The following GALNTL6 variants were observed in gnomAD, a reference collection of about 807,000 sequenced individuals.
GALNTL6 encodes polypeptide N-acetylgalactosaminyltransferase-like 6.
Under a neutral mutation model 73.7 loss-of-function variants are expected in GALNTL6, and 46 were observed. That is an observed-to-expected ratio of 0.62 (90% CI 0.49 to 0.80). The LOEUF (loss-of-function observed/expected upper bound fraction) is 0.80, where lower values mean the gene tolerates loss of function less well. Among genes scored for constraint, GALNTL6 ranks in the 30% least tolerant of loss-of-function variants. The probability of loss-of-function intolerance (pLI) is 0.00; values close to 1 mark genes in which losing one functional copy is unlikely to be tolerated. For missense variants in GALNTL6, 604 were observed against 755.0 expected, an observed-to-expected ratio of 0.80 and a Z score of 2.34; for synonymous variants, 259 against 263.7, an observed-to-expected ratio of 0.98 and a Z score of 0.17.
intron 5 of GALNTL6, among the ~76,000 whole-genome samples, chr4:172,635,889 C>G (rs1347777473): frequency 6.6e-6 from 1 of 152,112 alleles, no homozygotes; most frequent in Non-Finnish European, 1.5e-5. Context: ...TCCACTAAAC[C>G]ATATGATAAT....
chr4:172,483,074 G>T (rs1311017029), intron 5 of GALNTL6, among the ~76,000 whole-genome samples: 2 of 152,058 alleles, frequency 1.3e-5, no homozygotes, highest in Non-Finnish European at 2.9e-5. Context: ...ATATGTGTTT[G>T]TGTGTATAAT....
chr4:172,260,433 C>T (rs1468762322), intron 3 of GALNTL6, among the ~76,000 whole-genome samples: 1 of 151,622 alleles, frequency 6.6e-6, no homozygotes, highest in Non-Finnish European at 1.5e-5. Context: ...AGCAGTGCTA[C>T]TGATTTGTGT....
At chr4:172,653,005 T>C (rs939667920) in intron 5 of GALNTL6, among the ~76,000 whole-genome samples, 1 of 152,250 alleles carries the variant, frequency 6.6e-6, no homozygotes, top group Non-Finnish European at 1.5e-5. Context: ...TCTCAGTTTC[T>C]GCCAGCTTTC....
chr4:172,040,309 T>A (rs190825776), intron 2 of GALNTL6, among the ~76,000 whole-genome samples: 19 of 152,272 alleles, frequency 1.2e-4, no homozygotes, highest in Non-Finnish European at 8.8e-5. Flanking sequence ...TTTTCTCAAC[T>A]ATTCTAATAT....
At chr4:171,922,092 GGTGT>G (rs1218226746) in intron 2 of GALNTL6, among the ~76,000 whole-genome samples, 1 of 151,128 alleles carries the variant, frequency 6.6e-6, no homozygotes. Flanking sequence ...GTGTGTGTGT[GGTGT>G]GTGTGTTTGT....
In GALNTL6 at chr4:172,632,947, C is replaced by G. The variant is rs893007479; in HGVS notation, c.554-176414C>G. Among the ~76,000 whole-genome samples the G allele has an allele frequency of 2.6e-5, 4 of 152,262 alleles. No homozygotes were observed. The South Asian group carries it at 8.3e-4, about 31-fold the overall frequency. On this transcript the variant is annotated intron_variant, in intron 5 of 12. Transcript: ENST00000506823. Reference sequence around the variant, plus strand: ...GCAAGCCCCAAGCCTTGGTGGCTTACACGTGGTTTTGGGCATGCTGGTACA... The same window carrying G: ...GCAAGCCCCAAGCCTTGGTGGCTTAGACGTGGTTTTGGGCATGCTGGTACA...
chr4:172,591,235 A>G (rs1737625325), intron 5 of GALNTL6, among the ~76,000 whole-genome samples: 1 of 152,208 alleles, frequency 6.6e-6, no homozygotes, highest in Non-Finnish European at 1.5e-5. Context: ...GACTTCATAA[A>G]GGATCACTTA....
intron 5 of GALNTL6, among the ~76,000 whole-genome samples, chr4:172,750,103 A>T (rs1425005634): frequency 6.6e-6 from 1 of 152,202 alleles, no homozygotes; most frequent in Non-Finnish European, 1.5e-5. Flanking sequence ...TTAAAATTTT[A>T]TATCTGCTAT....
chr4:171,860,076 T>C (rs1735793528), intron 2 of GALNTL6, among the ~76,000 whole-genome samples: 1 of 152,174 alleles, frequency 6.6e-6, no homozygotes, highest in Admixed American at 6.5e-5. Context: ...GAGTTAACCT[T>C]TTACTGTCCA....
chr4:172,009,590 C>A, intron 2 of GALNTL6, among the ~76,000 whole-genome samples: 1 of 152,114 alleles, frequency 6.6e-6, no homozygotes, highest in Non-Finnish European at 1.5e-5. Context: ...TCATTCCAAG[C>A]CCCACATAAA....
chr4:172,052,551 C>A, intron 2 of GALNTL6: 2 of 1,506,996 alleles, frequency 1.3e-6, no homozygotes, highest in Non-Finnish European at 1.8e-6. Context: ...AAAAAGCAAA[C>A]GGCTGCAGTG....
At chr4:172,548,873 A>AT (rs1017811314) in intron 5 of GALNTL6, among the ~76,000 whole-genome samples, 1 of 152,064 alleles carries the variant, frequency 6.6e-6, no homozygotes, top group Admixed American at 6.6e-5. Context: ...AATAATCAGG[A>AT]TTTTTTTCAG....
chr4:171,922,992 A>G (rs1023126960), intron 2 of GALNTL6, among the ~76,000 whole-genome samples: 1 of 152,122 alleles, frequency 6.6e-6, no homozygotes, highest in African/African-American at 2.4e-5. Flanking sequence ...CTAAAATTAC[A>G]TAAATTGTTG....
At chr4:172,846,789 GA>G (rs1743532440) in intron 7 of GALNTL6, among the ~76,000 whole-genome samples, 1 of 152,096 alleles carries the variant, frequency 6.6e-6, no homozygotes, top group South Asian at 2.1e-4. Context: ...TGATGAACAG[GA>G]AAGTTTAAAT....
chr4:171,862,734 T>G (rs373276595), intron 2 of GALNTL6, among the ~76,000 whole-genome samples: 3 of 152,150 alleles, frequency 2.0e-5, no homozygotes, highest in African/African-American at 7.2e-5. Flanking sequence ...AATATTTTCC[T>G]TTGTAAATAT....
At chr4:172,896,946 A>G (rs1421515178) in intron 8 of GALNTL6, among the ~76,000 whole-genome samples, 1 of 152,018 alleles carries the variant, frequency 6.6e-6, no homozygotes, top group Admixed American at 6.5e-5. Flanking sequence ...CACCTCTCCC[A>G]GCAGGTCCCT....
intron 7 of GALNTL6, among the ~76,000 whole-genome samples, chr4:172,861,292 G>A (rs1333671486): frequency 6.7e-6 from 1 of 150,008 alleles, no homozygotes; most frequent in African/African-American, 2.4e-5. Context: ...CTGTGTAAGG[G>A]TGTTGTCTGG....
chr4:172,891,794 C>G (rs1353163300), intron 8 of GALNTL6, among the ~76,000 whole-genome samples: 1 of 152,116 alleles, frequency 6.6e-6, no homozygotes, highest in East Asian at 1.9e-4. Flanking sequence ...GGCTTTGTCT[C>G]TTTATGTAAT....
chr4:172,726,146 T>C (rs1436824878), intron 5 of GALNTL6, among the ~76,000 whole-genome samples: 1 of 152,174 alleles, frequency 6.6e-6, no homozygotes, highest in African/African-American at 2.4e-5. Context: ...ACAGGCTTCC[T>C]GCTGAGCCCT....
Sources: gnomAD v4.1 joint callset for allele counts (sites outside exome capture counted in the v4.1 genomes callset) on GRCh38, gnomAD v4.1.1 for gene constraint, MANE v1.5 for transcripts, NCBI Gene and HGNC (gene_info 2026-07-23, HGNC 2026-07-21) for gene names.